CD36: variants seen among roughly 807,000 people sequenced by gnomAD.
CD36 encodes CD36 molecule (CD36 blood group), also known as platelet glycoprotein 4.
CD36 carries 119 observed loss-of-function variants against 55.2 expected under a neutral mutation model. That is an observed-to-expected ratio of 2.15 (90% CI 1.86 to 2.51). CD36 has a LOEUF of 2.51. Ranked by LOEUF, CD36 falls within the 30% of genes most tolerant of loss-of-function variation. CD36 has a pLI of 0.00. For synonymous variants in CD36, 186 were observed against 193.6 expected, an observed-to-expected ratio of 0.96 and a Z score of 0.33; for missense variants, 819 against 555.5, an observed-to-expected ratio of 1.47 and a Z score of -4.77.
intron 12 of CD36, 106 bp downstream of exon 12, chr7:80,672,949 A>G: frequency 1.3e-6 from 1 of 754,802 alleles, no homozygotes; most frequent in Non-Finnish European, 2.4e-6. Flanking sequence ...AACATCTGAT[A>G]TCAACTTATC....
At position 80,647,133 on chromosome 7, in the gene CD36, A is replaced by T. The variant is rs896035527; in HGVS notation, c.120+273A>T. Reference sequence around the variant, plus strand: ...TACAGGTATGCATGTTAGTAGAAATAATTGTTTTAAGTTATGTCCAAAGAG... The same window carrying T: ...TACAGGTATGCATGTTAGTAGAAATTATTGTTTTAAGTTATGTCCAAAGAG... On this transcript the variant is annotated intron_variant, in intron 3 of 14. Transcript: ENST00000447544. 4 of 370,670 alleles carry T rather than the reference A, an allele frequency of 1.1e-5. No individual in the cohort carries two copies. In the Admixed American group the frequency reaches 1.1e-4, roughly 11 times the overall value. 23.0% of individuals were successfully genotyped at this position (370,670 alleles called of 1,614,324 possible).
intron 14 of CD36, chr7:80,674,357 A>C (rs1219429320): frequency 1.9e-6 from 1 of 519,560 alleles, no homozygotes; most frequent in Non-Finnish European, 3.4e-6. Context: ...ATGAGATAAA[A>C]GATGTACTTG....
chr7:80,626,458 T>C (rs953784811), intron 1 of CD36, among the ~76,000 whole-genome samples: 30 of 152,140 alleles, frequency 2.0e-4, no homozygotes, highest in Non-Finnish European at 4.3e-4. Context: ...ATGTGATTTA[T>C]GATTTGTACT....
chr7:80,634,379 T>C (rs1170277304), upstream of CD36, among the ~76,000 whole-genome samples: 1 of 151,970 alleles, frequency 6.6e-6, no homozygotes, highest in Non-Finnish European at 1.5e-5. Flanking sequence ...GCTGAACTGT[T>C]AAAAAAAATC....
At chr7:80,655,976 G>C (rs1796023092) in intron 3 of CD36, among the ~76,000 whole-genome samples, 1 of 151,710 alleles carries the variant, frequency 6.6e-6, no homozygotes, top group Admixed American at 6.6e-5. Context: ...GATTGAGCAG[G>C]ATTTTGAAGA....
intron 1 of CD36, among the ~76,000 whole-genome samples, chr7:80,604,334 T>C (rs1792412434): frequency 6.9e-6 from 1 of 144,846 alleles, no homozygotes; most frequent in East Asian, 2.1e-4. Context: ...GTACAGTAAT[T>C]GGCTAAGCCA....
chr7:80,620,730 G>A (rs73150455), intron 1 of CD36, among the ~76,000 whole-genome samples: 20,291 of 152,144 alleles, frequency 0.13, 1,802 homozygotes, highest in Non-Finnish European at 0.2. Flanking sequence ...TGAAAGGAGG[G>A]CTAGAGGGAG....
At chr7:80,671,676 A>C (rs1797686652) in intron 10 of CD36, among the ~76,000 whole-genome samples, 1 of 152,006 alleles carries the variant, frequency 6.6e-6, no homozygotes, top group Non-Finnish European at 1.5e-5. Context: ...GGAAGAAGAA[A>C]GAAAAAACTA....
chr7:80,668,362 G>GTCCACAGAGATCCCTCT (rs1407018597), intron 8 of CD36, among the ~76,000 whole-genome samples: 1 of 152,198 alleles, frequency 6.6e-6, no homozygotes, highest in East Asian at 1.9e-4. Context: ...GGACAGAGCA[G>GTCCACAGAGATCCCTCT]GGGATGATCC....
At chr7:80,618,788 T>G in intron 1 of CD36, among the ~76,000 whole-genome samples, 1 of 152,208 alleles carries the variant, frequency 6.6e-6, no homozygotes, top group Middle Eastern at 3.4e-3. Flanking sequence ...TTCATGAGGT[T>G]TAAGGAAAGA....
At chr7:80,647,034 A>G (rs1385781219) in intron 3 of CD36, 174 bp downstream of exon 3, 7 of 632,304 alleles carry the variant, frequency 1.1e-5, no homozygotes, top group Non-Finnish European at 1.9e-5. Context: ...GTGAAATGTT[A>G]TAAGTATAAT....
chr7:80,642,287 A>G lies in CD36; in HGVS notation c.-184+3541A>G, dbSNP rs140840627. ...AACAATTAGTAAAGAATAAAATTTAATCTACAATTAGCAAATGAAATTAAT... is the reference window on the plus strand; with the variant it reads ...AACAATTAGTAAAGAATAAAATTTAGTCTACAATTAGCAAATGAAATTAAT... On this transcript the variant is annotated intron_variant, in intron 1 of 14. Transcript: ENST00000447544. 7.9e-5 allele frequency among the ~76,000 whole-genome samples: 12 copies of G among 152,300 alleles called. No homozygotes were observed. The East Asian group carries it at 2.3e-3, about 29-fold the overall frequency.
rs182905241 is a variant in CD36 at position 80,645,109 on chromosome 7, C to T, written c.-183-979C>T. On this transcript the variant is annotated intron_variant, in intron 1 of 14. Coordinates refer to ENST00000447544, the MANE Select transcript of CD36 (RefSeq NM_001001548.3). ...GATCTCGGCTCACCGCAACCTCCGC[C>T]TCCTGGGTTCAAGCGATTCTCCTGC... Among the ~76,000 whole-genome samples the T allele has an allele frequency of 8.5e-3, 1,287 of 151,340 alleles. 18 individuals carry two copies. The highest frequency in any genetic ancestry group is 0.03 in the African/African-American group (1,219 of 41,260).
At position 80,607,372 on chromosome 7, in the gene CD36, A is replaced by G. The variant is rs147113702; in HGVS notation, c.-184+4993A>G. On this transcript the variant is annotated intron_variant, in intron 1 of 13. Coordinates refer to the CD36 transcript ENST00000309881. ...TTCTGAGGCTTAGGGCTGGACGTCT[A>G]CTTTCAGCTGCTCTGCCAAAGTTTA... Among the ~76,000 whole-genome samples, 921 of 152,302 alleles carry G rather than the reference A, an allele frequency of 6.0e-3. 6 individuals are homozygous for G. Among genetic ancestry groups the G allele is most frequent in the African/African-American group, 0.021 (871 of 41,568 alleles).
intron 8 of CD36, among the ~76,000 whole-genome samples, chr7:80,668,727 G>T (rs1365243661): frequency 1.3e-5 from 2 of 152,048 alleles, no homozygotes; most frequent in Admixed American, 1.3e-4. Context: ...CCATATGGGG[G>T]CTTATATTTT....
At chr7:80,621,421 C>G (rs1472692008) in intron 1 of CD36, among the ~76,000 whole-genome samples, 1 of 152,116 alleles carries the variant, frequency 6.6e-6, no homozygotes, top group Non-Finnish European at 1.5e-5. Context: ...ATGTGACTAG[C>G]AATAATTTAT....
In CD36 at chr7:80,670,000, T is replaced by C. The variant is rs1341976480; in HGVS notation, c.796T>C (p.Phe266Leu). Residue 266 changes from phenylalanine to leucine, a missense_variant, in exon 9 of 15, where the codon TTC becomes CTC. Coordinates refer to ENST00000447544, the MANE Select transcript of CD36 (RefSeq NM_001001548.3). ...TGTTGAGAAAAGCCAGGTATTGCAG[T>C]TCTTTTCTTCTGATATTTGCAGGTA... Reference protein sequence around the residue: ...PFVEKSQVLQFFSSDICRSIY... With the variant: ...PFVEKSQVLQLFSSDICRSIY... 1 of 1,609,646 alleles carries C rather than the reference T, an allele frequency of 6.2e-7. No homozygotes were observed. The highest frequency in any genetic ancestry group is 1.7e-4 in the Middle Eastern group (1 of 6,060).
rs70961715 is a variant in CD36, at chr7:80,661,068, G to A, written c.287G>A (p.Arg96His). 2.1e-5 allele frequency: 34 copies of A among 1,612,876 alleles called. 1 individual carries two copies. The highest frequency in any genetic ancestry group is 4.5e-5 in the East Asian group (2 of 44,846). ...KQRGPYTYRVRFLAKENVTQD... is the reference protein window; with the variant it reads ...KQRGPYTYRVHFLAKENVTQD... Reference sequence around the variant, plus strand: ...GTTTACTGCTATTTCTTTAGAGTTCGTTTTCTAGCCAAGGAAAATGTAACC... The same window carrying A: ...GTTTACTGCTATTTCTTTAGAGTTCATTTTCTAGCCAAGGAAAATGTAACC... Residue 96 changes from arginine to histidine, a missense_variant, in exon 5 of 15, where the codon CGT (arginine) becomes CAT (histidine). Coordinates refer to ENST00000447544, the MANE Select transcript of CD36 (RefSeq NM_001001548.3).
At chr7:80,616,186 C>G (rs992280152) in intron 1 of CD36, among the ~76,000 whole-genome samples, 3 of 152,042 alleles carry the variant, frequency 2.0e-5, no homozygotes, top group Admixed American at 1.3e-4. Context: ...TACATCTAAT[C>G]TACTGGATAT....
Sources: allele counts gnomAD v4.1 joint callset (sites outside exome capture counted in the v4.1 genomes callset), GRCh38; gene constraint gnomAD v4.1.1; transcripts MANE v1.5; gene names NCBI Gene and HGNC (gene_info 2026-07-23, HGNC 2026-07-21).